PHF21A: variants seen among roughly 807,000 people sequenced by gnomAD.
The protein encoded by PHF21A is PHD finger protein 21A.
In PHF21A, 11 loss-of-function variants were observed where a neutral mutation model predicts 82.5. The ratio of observed to expected loss-of-function variants is 0.13; its 90% CI spans 0.08 to 0.22. The LOEUF (loss-of-function observed/expected upper bound fraction) is 0.22. Among genes scored for constraint, PHF21A ranks in the 10% least tolerant of loss-of-function variants. The probability of loss-of-function intolerance (pLI) is 1.00; values close to 1 mark genes in which losing one functional copy is unlikely to be tolerated. For missense variants in PHF21A, 579 were observed against 837.8 expected, an observed-to-expected ratio of 0.69 and a Z score of 3.81; for synonymous variants, 297 against 302.8, an observed-to-expected ratio of 0.98 and a Z score of 0.20.
At chr11:46,022,195 G>A (rs1004326703) in intron 6 of PHF21A, among the ~76,000 whole-genome samples, 1 of 152,130 alleles carries the variant, frequency 6.6e-6, no homozygotes, top group Non-Finnish European at 1.5e-5. Context: ...GCTCATCCCT[G>A]TAATTCCAGC....
At chr11:45,988,040 T>C (rs2094556476) in intron 6 of PHF21A, among the ~76,000 whole-genome samples, 1 of 152,164 alleles carries the variant, frequency 6.6e-6, no homozygotes, top group African/African-American at 2.4e-5. Flanking sequence ...ACAGTGATGA[T>C]GCTAAATTGG....
At chr11:46,084,606 T>C (rs1183217739) in intron 3 of PHF21A, among the ~76,000 whole-genome samples, 1 of 152,212 alleles carries the variant, frequency 6.6e-6, no homozygotes, top group East Asian at 1.9e-4. Flanking sequence ...GTAAGACCAC[T>C]TCTGTCTTCA....
chr11:46,079,839 A>G (rs1289323990), intron 4 of PHF21A, among the ~76,000 whole-genome samples: 2 of 150,736 alleles, frequency 1.3e-5, no homozygotes, highest in Non-Finnish European at 2.9e-5. Flanking sequence ...ATGGAAAGGA[A>G]AGGAAAGGAA....
chr11:46,033,634 T>C (rs1225662655), intron 6 of PHF21A, among the ~76,000 whole-genome samples: 1 of 152,174 alleles, frequency 6.6e-6, no homozygotes, highest in Non-Finnish European at 1.5e-5. Context: ...TCTGTAAGAG[T>C]GTCTTTAAAG....
intron 14 of PHF21A, 34 bp from the exon 15 acceptor site, chr11:45,946,037 AC>A: frequency 6.2e-7 from 1 of 1,614,076 alleles, no homozygotes; most frequent in Non-Finnish European, 8.5e-7. Flanking sequence ...AAAGGGAAAA[AC>A]GGGGAGGGAA....
At chr11:45,991,144 T>G (rs1346603260) in intron 6 of PHF21A, among the ~76,000 whole-genome samples, 1 of 152,180 alleles carries the variant, frequency 6.6e-6, no homozygotes, top group African/African-American at 2.4e-5. Flanking sequence ...ATGCAGCCTT[T>G]CCAAATTGGT....
In PHF21A at chr11:45,998,121, G is replaced by C. The variant is rs2094974076; in HGVS notation, c.154-18155C>G. On this transcript the variant is annotated intron_variant, in intron 6 of 18. Transcript: ENST00000676320. The stretch of plus-strand genomic sequence containing the variant: ...ACTGAATCCCAGAGGACAAGAATAT[G>C]AACTACAAATACAAACCATTCTAGT... 2.0e-5 allele frequency among the ~76,000 whole-genome samples: 3 copies of C among 152,234 alleles called. 1 individual carries two copies. In the South Asian group the frequency reaches 6.2e-4, roughly 31 times the overall value.
intron 6 of PHF21A, among the ~76,000 whole-genome samples, chr11:46,011,341 T>C (rs1401913343): frequency 1.3e-5 from 2 of 151,944 alleles, no homozygotes; most frequent in African/African-American, 2.4e-5. Context: ...ATACAAAAAT[T>C]AGCTGGGTGT....
rs544908339 is a variant in PHF21A at position 46,030,392 on chromosome 11, T to C, written c.153+46362A>G. On this transcript the variant is annotated intron_variant, in intron 6 of 18. Transcript: ENST00000676320. ...TTCTTACCAAATGATTTGCCCAGGTTTTCATCATTTGTCTTCTAATATTAT... is the reference window on the plus strand; with the variant it reads ...TTCTTACCAAATGATTTGCCCAGGTCTTCATCATTTGTCTTCTAATATTAT... Among the ~76,000 whole-genome samples the C allele has an allele frequency of 2.6e-5, 4 of 152,338 alleles. No individual in the cohort carries two copies. The South Asian group carries it at 8.3e-4, about 32-fold the overall frequency.
chr11:46,110,108 C>A (rs529663768), intron 1 of PHF21A, among the ~76,000 whole-genome samples: 1 of 151,722 alleles, frequency 6.6e-6, no homozygotes, highest in Non-Finnish European at 1.5e-5. Flanking sequence ...TATCTTAAAA[C>A]CCAGCCCCTT....
intron 6 of PHF21A, among the ~76,000 whole-genome samples, chr11:45,988,320 G>GT (rs1438343191): frequency 3.4e-4 from 52 of 152,172 alleles, no homozygotes; most frequent in African/African-American, 1.1e-3. Flanking sequence ...CCTCAACTCT[G>GT]TAAGTTTTCT....
chr11:45,972,845 C>T (rs1307635571), intron 7 of PHF21A, among the ~76,000 whole-genome samples: 1 of 151,966 alleles, frequency 6.6e-6, no homozygotes, highest in Non-Finnish European at 1.5e-5. Flanking sequence ...ACCCGGGAGG[C>T]GGAGGTTGCA....
chr11:46,107,649 T>TAA (rs2097167106), intron 1 of PHF21A, among the ~76,000 whole-genome samples: 1 of 152,220 alleles, frequency 6.6e-6, no homozygotes. Flanking sequence ...AAAACTTTTA[T>TAA]AACGAAAACT....
intron 10 of PHF21A, among the ~76,000 whole-genome samples, chr11:45,958,443 T>TAC (rs1387185684): frequency 5.7e-3 from 143 of 25,192 alleles, no homozygotes; most frequent in African/African-American, 0.015. Flanking sequence ...TATATATATA[T>TAC]ATATATACAC....
At chr11:46,113,541 T>C (rs1261441938) in intron 1 of PHF21A, among the ~76,000 whole-genome samples, 1 of 152,188 alleles carries the variant, frequency 6.6e-6, no homozygotes, top group Non-Finnish European at 1.5e-5. Context: ...AAAAGTTTAA[T>C]TGTTTTGGCC....
At chr11:46,007,125 T>C (rs2095312883) in intron 6 of PHF21A, among the ~76,000 whole-genome samples, 1 of 152,140 alleles carries the variant, frequency 6.6e-6, no homozygotes, top group Admixed American at 6.5e-5. Flanking sequence ...CAACCAACCA[T>C]AACGTGACGA....
At chr11:46,017,973 G>A (rs1456027866) in intron 6 of PHF21A, among the ~76,000 whole-genome samples, 4 of 152,074 alleles carry the variant, frequency 2.6e-5, no homozygotes, top group South Asian at 2.1e-4. Flanking sequence ...GTCCTAGGCC[G>A]GGCGCGGTGG....
chr11:46,004,197 T>C (rs1172275871), intron 6 of PHF21A, among the ~76,000 whole-genome samples: 4 of 152,220 alleles, frequency 2.6e-5, no homozygotes, highest in African/African-American at 7.2e-5. Flanking sequence ...CTTAAAATCA[T>C]TGAATTATGC....
chr11:46,030,830 C>T (rs201560749), intron 6 of PHF21A, among the ~76,000 whole-genome samples: 137 of 142,256 alleles, frequency 9.6e-4, no homozygotes, highest in Non-Finnish European at 1.5e-3. Flanking sequence ...CGTGTGTGTG[C>T]GTGTGTGTGT....
Sources: gnomAD v4.1 joint callset for allele counts (sites outside exome capture counted in the v4.1 genomes callset) on GRCh38, gnomAD v4.1.1 for gene constraint, MANE v1.5 for transcripts, NCBI Gene and HGNC (gene_info 2026-07-23, HGNC 2026-07-21) for gene names.